Variants in FAM227B observed in about 807,000 individuals in gnomAD.
FAM227B encodes the protein protein FAM227B.
Under a neutral mutation model 73.8 loss-of-function variants are expected in FAM227B, and 88 were observed. The ratio of observed to expected loss-of-function variants is 1.19; its 90% CI spans 1.00 to 1.42. FAM227B has a LOEUF of 1.42. Ranked by LOEUF, FAM227B falls within the 40% of genes most tolerant of loss-of-function variation. The pLI is 0.00. For missense variants in FAM227B, 632 were observed against 590.9 expected, an observed-to-expected ratio of 1.07 and a Z score of -0.72; for synonymous variants, 210 against 190.5, an observed-to-expected ratio of 1.10 and a Z score of -0.84.
At chr15:49,549,536 C>A (rs908281713) in intron 9 of FAM227B, among the ~76,000 whole-genome samples, 1 of 151,958 alleles carries the variant, frequency 6.6e-6, no homozygotes, top group Admixed American at 6.6e-5. Context: ...TGACTCTTAA[C>A]GAGCATGCTG....
chr15:49,364,986 C>T (rs1334631206), intron 13 of FAM227B: 1 of 399,442 alleles, frequency 2.5e-6, no homozygotes, highest in Non-Finnish European at 4.5e-6. Flanking sequence ...ATGTAACTGT[C>T]AGTACCAGCT....
intron 10 of FAM227B, among the ~76,000 whole-genome samples, chr15:49,513,563 CTGA>C (rs2059166354): frequency 6.6e-6 from 1 of 151,770 alleles, no homozygotes; most frequent in Admixed American, 6.6e-5. Flanking sequence ...CCTGTTTGCT[CTGA>C]TGATCTCTTG....
At chr15:49,412,532 T>C (rs762478096) in intron 11 of FAM227B, among the ~76,000 whole-genome samples, 1 of 151,996 alleles carries the variant, frequency 6.6e-6, no homozygotes, top group Non-Finnish European at 1.5e-5. Context: ...TCACAAGAAT[T>C]GATTTGAACA....
intron 11 of FAM227B, among the ~76,000 whole-genome samples, chr15:49,410,213 G>T (rs1186310936): frequency 6.6e-6 from 1 of 152,080 alleles, no homozygotes; most frequent in Non-Finnish European, 1.5e-5. Flanking sequence ...TGTAACATGT[G>T]ATGGACTCAG....
chr15:49,382,722 A>C (rs781420210), intron 11 of FAM227B, among the ~76,000 whole-genome samples: 1 of 152,140 alleles, frequency 6.6e-6, no homozygotes, highest in Non-Finnish European at 1.5e-5. Flanking sequence ...GAGATAAAAA[A>C]GAACAATCAC....
At chr15:49,511,726 G>A (rs76602478) in intron 10 of FAM227B, among the ~76,000 whole-genome samples, 2,244 of 152,148 alleles carry the variant, frequency 0.015, 73 homozygotes, top group African/African-American at 0.052. Flanking sequence ...TTCTGTTCCT[G>A]GGTTAGTTCA....
Position 49,494,256 on chromosome 15 carries a change from A to AACACACAC in FAM227B, c.1012+13947_1012+13954dup, listed in dbSNP as rs374477211. On this transcript the variant is annotated intron_variant, in intron 11 of 15. Transcript: ENST00000299338. Reference sequence around the variant, plus strand: ...CTATTGCCTTAGTGGGAGACACACAAACACACACACACACACACACACACA... The same window carrying AACACACAC: ...CTATTGCCTTAGTGGGAGACACACAAACACACACACACACACACACACACACACACACA... 8.6e-3 allele frequency among the ~76,000 whole-genome samples: 1,214 copies of AACACACAC among 140,692 alleles called. 22 individuals carry two copies. Among genetic ancestry groups the AACACACAC allele is most frequent in the African/African-American group, 0.028 (1,111 of 39,058 alleles). The allele number at this position is 140,692 out of a possible 152,430, so 92.3% of individuals were successfully genotyped here. A position where few individuals can be genotyped will look rare whatever the true frequency, so the allele number is the denominator to read the frequency against.
chr15:49,408,164 C>T (rs1567225309), intron 11 of FAM227B, among the ~76,000 whole-genome samples: 4 of 152,092 alleles, frequency 2.6e-5, no homozygotes, highest in Non-Finnish European at 4.4e-5. Flanking sequence ...TGCAAGAAAA[C>T]GTTTTTATTT....
intron 13 of FAM227B, among the ~76,000 whole-genome samples, chr15:49,355,012 G>C (rs1042078961): frequency 3.3e-5 from 5 of 151,572 alleles, no homozygotes; most frequent in South Asian, 2.1e-4. Context: ...TACTCCAACA[G>C]ACCTGCAGCT....
At chr15:49,406,230 C>T (rs1039457371) in intron 11 of FAM227B, among the ~76,000 whole-genome samples, 1 of 151,786 alleles carries the variant, frequency 6.6e-6, no homozygotes, top group African/African-American at 2.4e-5. Flanking sequence ...TCACACATGC[C>T]AGCAGCAGCA....
At chr15:49,619,252 C>T (rs2078498815) in intron 1 of FAM227B, among the ~76,000 whole-genome samples, 1 of 152,126 alleles carries the variant, frequency 6.6e-6, no homozygotes, top group African/African-American at 2.4e-5. Flanking sequence ...AAAACATGGA[C>T]AAGAAATCTT....
At chr15:49,398,535 CAG>C (rs1451900296) in intron 11 of FAM227B, among the ~76,000 whole-genome samples, 1 of 118,790 alleles carries the variant, frequency 8.4e-6, no homozygotes, top group Non-Finnish European at 1.7e-5. Context: ...CCCAAATCAA[CAG>C]AATATACATT....
chr15:49,554,356 T>C (rs752771540), intron 9 of FAM227B, among the ~76,000 whole-genome samples: 5 of 152,200 alleles, frequency 3.3e-5, no homozygotes, highest in African/African-American at 4.8e-5. Context: ...CTGGACCTCG[T>C]TCAGTAATAG....
At chr15:49,503,366 CA>C (rs1202980299) in intron 11 of FAM227B, among the ~76,000 whole-genome samples, 1 of 152,128 alleles carries the variant, frequency 6.6e-6, no homozygotes, top group Admixed American at 6.5e-5. Flanking sequence ...TAGGCATGGG[CA>C]AGGACTTCAT....
At chr15:49,494,254 C>T (rs1376695172) in intron 11 of FAM227B, among the ~76,000 whole-genome samples, 2 of 78,902 alleles carry the variant, frequency 2.5e-5, no homozygotes, top group African/African-American at 6.3e-5. Context: ...GGGAGACACA[C>T]AAACACACAC....
intron 11 of FAM227B, among the ~76,000 whole-genome samples, chr15:49,374,940 A>G (rs959215304): frequency 6.6e-6 from 1 of 152,144 alleles, no homozygotes; most frequent in Non-Finnish European, 1.5e-5. Context: ...AGTCCTTTCA[A>G]TCTGATCATC....
intron 11 of FAM227B, among the ~76,000 whole-genome samples, chr15:49,461,546 A>G (rs1017054431): frequency 6.6e-6 from 1 of 152,196 alleles, no homozygotes; most frequent in Non-Finnish European, 1.5e-5. Flanking sequence ...TGTCTTGTCT[A>G]TCTCTTTGAA....
chr15:49,497,654 G>A (rs2152077582), intron 11 of FAM227B, among the ~76,000 whole-genome samples: 1 of 152,262 alleles, frequency 6.6e-6, no homozygotes, highest in East Asian at 1.9e-4. Flanking sequence ...TCTTTCTTAA[G>A]TAGATTTCCT....
chr15:49,392,043 G>C (rs967318402), intron 11 of FAM227B, among the ~76,000 whole-genome samples: 2 of 152,074 alleles, frequency 1.3e-5, no homozygotes, highest in African/African-American at 4.8e-5. Context: ...CAAGTTTCAA[G>C]ACAAGTAAAG....
Sources: allele counts gnomAD v4.1 joint callset (sites outside exome capture counted in the v4.1 genomes callset), GRCh38; gene constraint gnomAD v4.1.1; transcripts MANE v1.5; gene names NCBI Gene and HGNC (gene_info 2026-07-23, HGNC 2026-07-21).